PSMD7: variants seen among roughly 807,000 people sequenced by gnomAD.
PSMD7 encodes the protein proteasome 26S subunit, non-ATPase 7.
A neutral mutation model predicts 36.4 loss-of-function variants in PSMD7; 13 were observed. The ratio of observed to expected loss-of-function variants is 0.36; its 90% CI spans 0.23 to 0.57. The LOEUF (loss-of-function observed/expected upper bound fraction) is 0.57. PSMD7 is among the 20% of genes least tolerant of loss of function. The pLI is 0.83. For synonymous variants in PSMD7, 186 were observed against 151.0 expected, an observed-to-expected ratio of 1.23 and a Z score of -1.70; for missense variants, 298 against 393.6, an observed-to-expected ratio of 0.76 and a Z score of 2.06.
chr16:74,304,617 A>G (rs1201502219), intron 6 of PSMD7: 2 of 435,864 alleles, frequency 4.6e-6, no homozygotes, highest in African/African-American at 2.0e-5. Flanking sequence ...TTGAGTTACA[A>G]TTTATGACTT....
At position 74,305,653 on chromosome 16, in the gene PSMD7, G is replaced by C. The variant is rs1387614415; in HGVS notation, c.895G>C (p.Asp299His). The stretch of plus-strand genomic sequence containing the variant: ...GCAGGAGAAAGAAGAGAGCAAAAAG[G>C]ATAGGAAAGAGGACAAGGAGAAAGA... ...EGQEKEESKK[D>H]RKEDKEKDKD... Residue 299 changes from aspartate to histidine, a missense_variant, in exon 7 of 7, where the codon GAT becomes CAT. Physicochemically the swap from Asp to His is moderately conservative, Grantham distance 81. Transcript: ENST00000219313. 6.4e-7 allele frequency: 1 copy of C among 1,561,900 alleles called. No homozygotes were observed. Among genetic ancestry groups the C allele is most frequent in the South Asian group, 1.2e-5 (1 of 83,658 alleles).
Position 74,297,101 on chromosome 16 carries a change from T to A in PSMD7, c.74+113T>A, listed in dbSNP as rs74028223. Reference sequence around the variant, plus strand: ...CTGGGGACGCAGATAGGGCGGCTGGTGACCCTTACTTGTTCACGAGTCCAG... The same window carrying A: ...CTGGGGACGCAGATAGGGCGGCTGGAGACCCTTACTTGTTCACGAGTCCAG... On this transcript the variant is annotated intron_variant, in intron 1 of 6. Coordinates refer to ENST00000219313, the MANE Select transcript of PSMD7 (RefSeq NM_002811.5). The A allele has an allele frequency of 4.3e-3, 4,876 of 1,144,236 alleles. 143 individuals are homozygous for A. The African/African-American group carries it at 0.065, about 15-fold the overall frequency. The allele number at this position is 1,144,236 out of a possible 1,614,324, so 70.9% of individuals were successfully genotyped here.
rs979497792 is a variant in PSMD7 at position 74,296,837 on chromosome 16, A to G, written c.-78A>G. 8.7e-6 allele frequency: 13 copies of G among 1,500,780 alleles called. No individual in the cohort carries two copies. The highest frequency in any genetic ancestry group is 5.6e-5 in the Admixed American group (3 of 53,926). The allele number at this position is 1,500,780 out of a possible 1,614,324, so 93.0% of individuals were successfully genotyped here. On this transcript the variant is annotated 5_prime_UTR_variant, in exon 1 of 7. Coordinates refer to ENST00000219313, the MANE Select transcript of PSMD7 (RefSeq NM_002811.5). ...CCGGAAGAAGAGGAACTGGGCCTGA[A>G]AGGGTACCGGTGACCGCTACTGCTG...
intron 1 of PSMD7, among the ~76,000 whole-genome samples, chr16:74,299,346 C>A (rs977540234): frequency 8.5e-5 from 13 of 152,102 alleles, no homozygotes; most frequent in African/African-American, 2.9e-4. Context: ...GATAAAAATT[C>A]TCAAGTAAAA....
chr16:74,302,888 G>A (rs1036131134), intron 5 of PSMD7, among the ~76,000 whole-genome samples: 2 of 152,210 alleles, frequency 1.3e-5, no homozygotes, highest in African/African-American at 4.8e-5. Flanking sequence ...ATAGCTCTGT[G>A]CAAATGTTCC....
intron 5 of PSMD7, among the ~76,000 whole-genome samples, chr16:74,303,741 T>A (rs2034173846): frequency 6.6e-6 from 1 of 151,854 alleles, no homozygotes; most frequent in African/African-American, 2.4e-5. Context: ...TTTTTTTTTT[T>A]AAGACAATCT....
chr16:74,300,383 T>C, intron 2 of PSMD7, 177 bp downstream of exon 2: 3 of 623,572 alleles, frequency 4.8e-6, no homozygotes, highest in Non-Finnish European at 8.4e-6. Flanking sequence ...TATTTTAAAC[T>C]TGCAGGCCAT....
At chr16:74,302,116 A>T in intron 4 of PSMD7, 96 bp from the exon 5 acceptor site, 2 of 983,570 alleles carry the variant, frequency 2.0e-6, no homozygotes, top group Non-Finnish European at 3.2e-6. Flanking sequence ...CTAATTGATT[A>T]CAAGAAATAG....
chr16:74,305,694 G>A lies in PSMD7; in HGVS notation c.936G>A (p.Lys312=), dbSNP rs750181352. 6.7e-7 allele frequency: 1 copy of A among 1,483,364 alleles called. No individual in the cohort carries two copies. The highest frequency in any genetic ancestry group is 1.4e-5 in the South Asian group (1 of 69,022). The allele number at this position is 1,483,364 out of a possible 1,614,324, so 91.9% of individuals were successfully genotyped here. A position where few individuals can be genotyped will look rare whatever the true frequency, so the allele number is the denominator to read the frequency against. The change falls in exon 7 of 7, where the codon AAG becomes AAA. Residue 312 remains lysine, a synonymous_variant. Coordinates refer to ENST00000219313, the MANE Select transcript of PSMD7 (RefSeq NM_002811.5). ...AGGAGAAAGATAAAGATAAGGAAAA[G>A]AGTGATGTAAAGAAAGAGGAGAAAA... ...EDKEKDKDKE[K]SDVKKEEKKE... is the part of the protein sequence containing the mutation.
At chr16:74,297,063 G>A (rs931485439) in intron 1 of PSMD7, 75 bp downstream of exon 1, 5 of 1,502,920 alleles carry the variant, frequency 3.3e-6, no homozygotes, top group East Asian at 2.3e-5. Flanking sequence ...ATGGCGCGGC[G>A]GCCGCGGACG....
At chr16:74,300,745 G>A (rs1206986029) in intron 2 of PSMD7, among the ~76,000 whole-genome samples, 2 of 152,160 alleles carry the variant, frequency 1.3e-5, no homozygotes, top group Admixed American at 1.3e-4. Flanking sequence ...TTGCCAAATT[G>A]AAAAATATCA....
rs767784809 is a variant in PSMD7 at position 74,305,484 on chromosome 16, G to A, written c.726G>A (p.Leu242=). The change falls in exon 7 of 7, where the codon CTG becomes CTA. Residue 242 remains leucine, a synonymous_variant. Coordinates refer to ENST00000219313, the MANE Select transcript of PSMD7 (RefSeq NM_002811.5). ...DVFNLLPDVS[L]QEFVKAFYLK... is the part of the protein sequence containing the mutation. Reference sequence around the variant, plus strand: ...TCAACCTGCTGCCAGATGTCAGCCTGCAGGAGTTCGTCAAGGCCTTTTACC... The same window carrying A: ...TCAACCTGCTGCCAGATGTCAGCCTACAGGAGTTCGTCAAGGCCTTTTACC... 1.7e-5 allele frequency: 28 copies of A among 1,614,134 alleles called. No individual in the cohort carries two copies. The highest frequency in any genetic ancestry group is 2.4e-5 in the Non-Finnish European group (28 of 1,180,032).
At chr16:74,300,789 A>T (rs531604653) in intron 2 of PSMD7, among the ~76,000 whole-genome samples, 6 of 152,308 alleles carry the variant, frequency 3.9e-5, no homozygotes, top group African/African-American at 1.4e-4. Flanking sequence ...ACTGAAAAGC[A>T]TGTGTCTTTT....
rs2034187062 is a variant in PSMD7 at position 74,305,358 on chromosome 16, A to T, written c.600A>T (p.Gly200=). Residue 200 remains glycine (G), a synonymous_variant, in exon 7 of 7, where the codon GGA becomes GGT. Coordinates refer to ENST00000219313, the MANE Select transcript of PSMD7 (RefSeq NM_002811.5). ...RITNQVHGLK[G]LNSKLLDIRS... ...CAAACCAGGTCCATGGTTTGAAGGGACTGAACTCCAAGCTTCTGGATATCA... is the reference window on the plus strand; with the variant it reads ...CAAACCAGGTCCATGGTTTGAAGGGTCTGAACTCCAAGCTTCTGGATATCA... 1 of 1,614,130 alleles carries T rather than the reference A, an allele frequency of 6.2e-7. No individual in the cohort carries two copies. Among genetic ancestry groups the T allele is most frequent in the Non-Finnish European group, 8.5e-7 (1 of 1,180,024 alleles).
At chr16:74,301,180 A>G in intron 3 of PSMD7, 36 bp downstream of exon 3, 1 of 1,453,108 alleles carries the variant, frequency 6.9e-7, no homozygotes, top group Non-Finnish European at 9.6e-7. Context: ...ACAGCATAGA[A>G]TTGAACTGTG....
At position 74,306,005 on chromosome 16, in the gene PSMD7, A is replaced by G. The variant is rs2034194174; in HGVS notation, c.*272A>G. 2 of 288,654 alleles carry G rather than the reference A, an allele frequency of 6.9e-6. No individual in the cohort carries two copies. The highest frequency in any genetic ancestry group is 1.3e-5 in the Non-Finnish European group (2 of 157,434). 17.9% of individuals were successfully genotyped at this position (288,654 alleles called of 1,614,324 possible). ...TGAGAAAAATGAAGAGAAGTCAACA[A>G]ATATTTTGGTACTCTTCATTCATTT... is the stretch of plus-strand genomic sequence containing the variant. On this transcript the variant is annotated 3_prime_UTR_variant, in exon 7 of 7. Transcript: ENST00000219313.
intron 1 of PSMD7, among the ~76,000 whole-genome samples, chr16:74,298,260 A>G (rs2034129429): frequency 6.6e-6 from 1 of 151,902 alleles, no homozygotes; most frequent in Non-Finnish European, 1.5e-5. Flanking sequence ...TTGAGGGTGT[A>G]CATCCACCAC....
Position 74,305,875 on chromosome 16 carries a change from C to G in PSMD7, c.*142C>G. ...AGCTCTCTGCCTCCGGTCACTCTTGCTGTGGTGCTACGTGGAAGTGAATGG... is the reference window on the plus strand; with the variant it reads ...AGCTCTCTGCCTCCGGTCACTCTTGGTGTGGTGCTACGTGGAAGTGAATGG... On this transcript the variant is annotated 3_prime_UTR_variant, in exon 7 of 7. Transcript: ENST00000219313. 1.0e-6 allele frequency: 1 copy of G among 969,486 alleles called. No individual in the cohort carries two copies. The highest frequency in any genetic ancestry group is 1.4e-6 in the Non-Finnish European group (1 of 717,812). The allele number at this position is 969,486 out of a possible 1,614,324, so 60.1% of individuals were successfully genotyped here.
Position 74,306,161 on chromosome 16 carries a change from C to G in PSMD7, c.*428C>G, listed in dbSNP as rs1474962797. 1.3e-5 allele frequency: 2 copies of G among 153,960 alleles called. No individual in the cohort carries two copies. The highest frequency in any genetic ancestry group is 4.8e-5 in the African/African-American group (2 of 41,478). The allele number at this position is 153,960 out of a possible 1,614,324, so 9.5% of individuals were successfully genotyped here. A position where few individuals can be genotyped will look rare whatever the true frequency, so the allele number is the denominator to read the frequency against. Reference sequence around the variant, plus strand: ...TCTCTGGTAACACGTAGAGTTCAGACCCTTCTGAACTCTGTTGATAATACC... The same window carrying G: ...TCTCTGGTAACACGTAGAGTTCAGAGCCTTCTGAACTCTGTTGATAATACC... On this transcript the variant is annotated 3_prime_UTR_variant, in exon 7 of 7. Transcript: ENST00000219313.
Sources: gnomAD v4.1 joint callset for allele counts (sites outside exome capture counted in the v4.1 genomes callset) on GRCh38, gnomAD v4.1.1 for gene constraint, MANE v1.5 for transcripts, NCBI Gene and HGNC (gene_info 2026-07-23, HGNC 2026-07-21) for gene names.